Variants in HKDC1 observed in about 807,000 individuals in gnomAD.
HKDC1 encodes the protein hexokinase HKDC1.
A neutral mutation model predicts 96.6 loss-of-function variants in HKDC1; 66 were observed. The observed-to-expected ratio is 0.68, with a 90% CI of 0.56 to 0.84. The LOEUF (loss-of-function observed/expected upper bound fraction) is 0.84, where lower values mean the gene tolerates loss of function less well. Among genes scored for constraint, HKDC1 ranks in the 40% least tolerant of loss-of-function variants. The pLI is 0.00. For synonymous variants in HKDC1, 466 were observed against 473.1 expected, an observed-to-expected ratio of 0.98 and a Z score of 0.20; for missense variants, 1,211 against 1,208.1, an observed-to-expected ratio of 1.00 and a Z score of -0.04.
In HKDC1 at chr10:69,250,058, C is replaced by G. The variant is rs566700735; in HGVS notation, c.1571-232C>G. 2.0e-5 allele frequency among the ~76,000 whole-genome samples: 3 copies of G among 152,310 alleles called. No homozygotes were observed. In the East Asian group the frequency reaches 5.8e-4, roughly 29 times the overall value. ...CTCACTGGCGATAGTGTAGGTGGTG[C>G]CTGGGACTTTACCACAGAAGTGGAG... On this transcript the variant is annotated intron_variant, in intron 10 of 17. Transcript: ENST00000354624.
rs923921342 is a variant in HKDC1 at position 69,257,227 on chromosome 10, C to G, written c.1932+96C>G. The G allele has an allele frequency of 6.2e-6, 9 of 1,448,558 alleles. No individual in the cohort carries two copies. The Admixed American group carries it at 1.4e-4, about 22-fold the overall frequency. 89.7% of individuals were successfully genotyped at this position (1,448,558 alleles called of 1,614,324 possible). On this transcript the variant is annotated intron_variant, in intron 13 of 17. Coordinates refer to ENST00000354624, the MANE Select transcript of HKDC1 (RefSeq NM_025130.4). ...TGCCCAGTTCCTATGACTCTGGCCT[C>G]TGTCTGCCTTGGGATAACATGCCCC...
In HKDC1 at chr10:69,265,759, G is replaced by A. The variant is rs757318050; in HGVS notation, c.2547G>A (p.Gly849=). 2.7e-5 allele frequency: 44 copies of A among 1,613,556 alleles called. No individual in the cohort carries two copies. The highest frequency in any genetic ancestry group is 3.4e-5 in the Non-Finnish European group (40 of 1,179,890). ...TGGAAAAAAGGAGAGAAGACCAGGGGCTAGAGCACCTGAGGATCACTGTGG... is the reference window on the plus strand; with the variant it reads ...TGGAAAAAAGGAGAGAAGACCAGGGACTAGAGCACCTGAGGATCACTGTGG... ...AIVEKRREDQ[G]LEHLRITVGV... Residue 849 remains glycine, a synonymous_variant, in exon 17 of 18, where the codon GGG becomes GGA. Transcript: ENST00000354624.
Position 69,266,644 on chromosome 10 carries a change from C to T in HKDC1, c.2641C>T (p.Leu881=). 1 of 1,614,166 alleles carries T rather than the reference C, an allele frequency of 6.2e-7. No individual in the cohort carries two copies. Residue 881 remains leucine (L), a synonymous_variant, in exon 18 of 18, where the codon CTA becomes TTA. Transcript: ENST00000354624. ...AATATTGCAGGAAACTGTGAAGGAA[C>T]TAGCCCCTCGATGTGATGTGACATT... The part of the protein sequence containing the change: ...SRILQETVKE[L]APRCDVTFML...
chr10:69,250,289 G>A lies in HKDC1; in HGVS notation c.1571-1G>A, dbSNP rs1843618217. The A allele has an allele frequency of 1.2e-6, 2 of 1,612,278 alleles. No individual in the cohort carries two copies. Among genetic ancestry groups the A allele is most frequent in the African/African-American group, 2.7e-5 (2 of 74,866 alleles). ...TGCAGCTGCTGCTTTCTCCATCACA[G>A]AGAAAGGAAAGTTTCTCGCCCTGGA... On this transcript the variant is annotated splice_acceptor_variant, in intron 10 of 17. Coordinates refer to ENST00000354624, the MANE Select transcript of HKDC1 (RefSeq NM_025130.4). LOFTEE classifies it high-confidence loss of function.
intron 12 of HKDC1, among the ~76,000 whole-genome samples, chr10:69,256,183 C>T (rs996890388): frequency 5.3e-5 from 8 of 152,112 alleles, no homozygotes; most frequent in East Asian, 1.9e-4. Flanking sequence ...ATTTGTTTGA[C>T]GTGCTTTCAA....
At chr10:69,245,969 T>G in intron 7 of HKDC1, 110 bp from the exon 8 acceptor site, 1 of 1,355,436 alleles carries the variant, frequency 7.4e-7, no homozygotes, top group East Asian at 2.3e-5. Flanking sequence ...GAATCTTAGC[T>G]CAGCCCTCTC....
In HKDC1 at chr10:69,247,520, C is replaced by G. The variant is rs200584895; in HGVS notation, c.1192C>G (p.Arg398Gly). 10 of 1,614,010 alleles carry G rather than the reference C, an allele frequency of 6.2e-6. No homozygotes were observed. The Admixed American group carries it at 1.5e-4, about 24-fold the overall frequency. Residue 398 changes from arginine (R) to glycine (G), a missense_variant, in exon 9 of 18, where the codon CGG becomes GGG. Physicochemically the swap from Arg to Gly is moderately radical, Grantham distance 125. Transcript: ENST00000354624. ...TCTGGCGGCCATCCTGACACGCCTCCGGGAGAACAAGAAGGTGGAACGGCT... is the reference window on the plus strand; with the variant it reads ...TCTGGCGGCCATCCTGACACGCCTCGGGGAGAACAAGAAGGTGGAACGGCT... ...AALAAILTRL[R>G]ENKKVERLRT...
chr10:69,227,246 A>G lies in HKDC1; in HGVS notation c.103A>G (p.Thr35Ala). The G allele has an allele frequency of 6.2e-7, 1 of 1,614,026 alleles. No homozygotes were observed. The highest frequency in any genetic ancestry group is 8.5e-7 in the Non-Finnish European group (1 of 1,179,994). Residue 35 changes from threonine (T) to alanine (A), a missense_variant, in exon 2 of 18, where the codon ACC becomes GCC. Thr to Ala is a moderately conservative substitution (Grantham distance 58). Coordinates refer to ENST00000354624, the MANE Select transcript of HKDC1 (RefSeq NM_025130.4). ...GTATCACATGCGGCTCTCCGATGACACCCTTTTGGACATCATGAGGCGGTT... is the reference window on the plus strand; with the variant it reads ...GTATCACATGCGGCTCTCCGATGACGCCCTTTTGGACATCATGAGGCGGTT... Reference protein sequence around the residue: ...FLYHMRLSDDTLLDIMRRFRA... With the variant: ...FLYHMRLSDDALLDIMRRFRA...
At chr10:69,262,638 G>A (rs1466754492) in intron 16 of HKDC1, among the ~76,000 whole-genome samples, 1 of 152,212 alleles carries the variant, frequency 6.6e-6, no homozygotes, top group East Asian at 1.9e-4. Context: ...ATACATGAAA[G>A]TGGTTTACTT....
intron 16 of HKDC1, among the ~76,000 whole-genome samples, chr10:69,263,357 C>A (rs1456935048): frequency 6.6e-6 from 1 of 152,116 alleles, no homozygotes; most frequent in Non-Finnish European, 1.5e-5. Flanking sequence ...CCTAGAACTC[C>A]CAAAGTGGTA....
At chr10:69,247,705 G>C in intron 9 of HKDC1, 112 bp downstream of exon 9, 1 of 787,056 alleles carries the variant, frequency 1.3e-6, no homozygotes, top group South Asian at 1.8e-5. Context: ...AACCCCTCTT[G>C]TTGGTTCTGA....
chr10:69,247,517 C>T lies in HKDC1; in HGVS notation c.1189C>T (p.Leu397Phe), dbSNP rs745760323. ...AAALAAILTR[L>F]RENKKVERLR... ...AGCTCTGGCGGCCATCCTGACACGC[C>T]TCCGGGAGAACAAGAAGGTGGAACG... Residue 397 changes from leucine to phenylalanine, a missense_variant, in exon 9 of 18, where the codon CTC (leucine) becomes TTC (phenylalanine). Transcript: ENST00000354624. 4 of 1,614,090 alleles carry T rather than the reference C, an allele frequency of 2.5e-6. No homozygotes were observed. The highest frequency in any genetic ancestry group is 3.4e-6 in the Non-Finnish European group (4 of 1,180,048).
chr10:69,233,366 C>T (rs1267745550), intron 4 of HKDC1, among the ~76,000 whole-genome samples: 1 of 152,202 alleles, frequency 6.6e-6, no homozygotes, highest in Non-Finnish European at 1.5e-5. Flanking sequence ...TTTTCACTAG[C>T]TCTCAAACCT....
rs767012308 is a variant in HKDC1 at position 69,227,348 on chromosome 10, A to C, written c.205A>C (p.Arg69=). 6.2e-7 allele frequency: 1 copy of C among 1,614,188 alleles called. No individual in the cohort carries two copies. Among genetic ancestry groups the C allele is most frequent in the Admixed American group, 1.7e-5 (1 of 60,022 alleles). Residue 69 remains arginine (R), a synonymous_variant, in exon 2 of 18, where the codon AGG becomes CGG. Transcript: ENST00000354624. ...AGTGAAGATGTTGCCCACCTTCGTCAGGGCCATTCCCGATGGTTCCGGTGA... is the reference window on the plus strand; with the variant it reads ...AGTGAAGATGTTGCCCACCTTCGTCCGGGCCATTCCCGATGGTTCCGGTGA... ...AAVKMLPTFV[R]AIPDGSENGE...
chr10:69,258,011 G>A (rs1375411045), intron 14 of HKDC1, among the ~76,000 whole-genome samples: 2 of 152,172 alleles, frequency 1.3e-5, no homozygotes, highest in Non-Finnish European at 2.9e-5. Flanking sequence ...CAGGTGATAG[G>A]CACAGGCTAA....
Position 69,239,100 on chromosome 10 carries a change from T to A in HKDC1, c.554T>A (p.Val185Glu). 6.2e-7 allele frequency: 1 copy of A among 1,613,892 alleles called. No individual in the cohort carries two copies. Among genetic ancestry groups the A allele is most frequent in the Non-Finnish European group, 8.5e-7 (1 of 1,179,850 alleles). ...FKARGVQDTDVVSRLTKAMRR... is the reference protein window; with the variant it reads ...FKARGVQDTDEVSRLTKAMRR... ...GCACGAGGAGTTCAGGACACGGATG[T>A]GGTGAGCCGTCTGACCAAAGCCATG... is the stretch of plus-strand genomic sequence containing the variant. The change falls in exon 5 of 18, where the codon GTG becomes GAG. Residue 185 changes from valine (V) to glutamate (E), a missense_variant. Physicochemically the swap from Val to Glu is moderately radical, Grantham distance 121. Transcript: ENST00000354624.
intron 14 of HKDC1, among the ~76,000 whole-genome samples, chr10:69,257,952 G>A (rs1843745671): frequency 6.6e-6 from 1 of 152,202 alleles, no homozygotes; most frequent in South Asian, 2.1e-4. Context: ...TCTAAGAGGG[G>A]TAGAATGGGT....
chr10:69,252,023 G>C (rs1049613510), intron 12 of HKDC1, among the ~76,000 whole-genome samples: 2 of 152,098 alleles, frequency 1.3e-5, no homozygotes, highest in African/African-American at 4.8e-5. Flanking sequence ...GCCTCTCATA[G>C]TGCTGGGATT....
chr10:69,245,818 C>T (rs965001425), intron 7 of HKDC1, among the ~76,000 whole-genome samples: 2 of 152,038 alleles, frequency 1.3e-5, no homozygotes, highest in South Asian at 2.1e-4. Context: ...TTTGACTTGT[C>T]GCATCATGTT....
Sources: allele counts gnomAD v4.1 joint callset (sites outside exome capture counted in the v4.1 genomes callset), GRCh38; gene constraint gnomAD v4.1.1; transcripts MANE v1.5; gene names NCBI Gene and HGNC (gene_info 2026-07-23, HGNC 2026-07-21).